Variants in FUT8 observed in about 807,000 individuals in gnomAD.
The protein encoded by FUT8 is fucosyltransferase 8, also known as alpha-(1,6)-fucosyltransferase.
In FUT8, 29 loss-of-function variants were observed where a neutral mutation model predicts 71.3. The ratio of observed to expected loss-of-function variants is 0.41; its 90% CI spans 0.30 to 0.55. FUT8 has a LOEUF of 0.55. Among genes scored for constraint, FUT8 ranks in the 20% least tolerant of loss-of-function variants. FUT8 has a pLI of 0.34. For missense variants in FUT8, 544 were observed against 702.1 expected, an observed-to-expected ratio of 0.77 and a Z score of 2.55; for synonymous variants, 254 against 239.3, an observed-to-expected ratio of 1.06 and a Z score of -0.57.
intron 2 of FUT8, among the ~76,000 whole-genome samples, chr14:65,539,713 T>A (rs1428110131): frequency 6.6e-6 from 1 of 152,212 alleles, no homozygotes; most frequent in African/African-American, 2.4e-5. Context: ...GAGGCCTGAA[T>A]GAATAAAATA....
the FUT8 span, among the ~76,000 whole-genome samples, chr14:65,370,432 T>C: frequency 1.3e-5 from 2 of 151,570 alleles, no homozygotes; most frequent in Non-Finnish European, 1.5e-5. Flanking sequence ...ATGGTCTTGA[T>C]CTCCTGACCT....
chr14:65,360,878 G>A, the FUT8 span, among the ~76,000 whole-genome samples: 1 of 152,294 alleles, frequency 6.6e-6, no homozygotes, highest in African/African-American at 2.4e-5. Context: ...GGGTGACCTT[G>A]GAGAGATTCT....
chr14:65,731,495 G>A (rs1401531594), intron 9 of FUT8, among the ~76,000 whole-genome samples: 5 of 152,234 alleles, frequency 3.3e-5, no homozygotes, highest in African/African-American at 1.2e-4. Flanking sequence ...TGTGCAAAAA[G>A]TTTCATGCTC....
intron 1 of FUT8, among the ~76,000 whole-genome samples, chr14:65,423,263 C>CTT (rs1180861343): frequency 5.0e-5 from 6 of 119,470 alleles, no homozygotes; most frequent in East Asian, 2.4e-4. Flanking sequence ...GATTTTCTTT[C>CTT]TTTTTTTTTT....
chr14:65,654,614 A>C (rs1387820903), intron 6 of FUT8, among the ~76,000 whole-genome samples: 9 of 152,084 alleles, frequency 5.9e-5, no homozygotes, highest in Non-Finnish European at 1.2e-4. Flanking sequence ...GCTCTATAAA[A>C]AGATATTTTA....
chr14:65,726,349 G>A (rs1895686223), intron 9 of FUT8, among the ~76,000 whole-genome samples: 1 of 152,170 alleles, frequency 6.6e-6, no homozygotes, highest in Non-Finnish European at 1.5e-5. Flanking sequence ...TTTTCACACT[G>A]CTGATAGACA....
intron 2 of FUT8, chr14:65,457,975 GA>G (rs2065916821): frequency 6.6e-6 from 1 of 152,048 alleles, no homozygotes; most frequent in Admixed American, 6.5e-5. Flanking sequence ...GAGGTCAGGA[GA>G]TCGAGACCAT....
chr14:65,636,486 A>G (rs997694329), intron 6 of FUT8: 1 of 152,188 alleles, frequency 6.6e-6, no homozygotes, highest in Non-Finnish European at 1.5e-5. Context: ...ATTTAGGGCT[A>G]TGAACTTTCC....
chr14:65,534,553 T>C (rs928986568), intron 2 of FUT8, among the ~76,000 whole-genome samples: 1 of 149,766 alleles, frequency 6.7e-6, no homozygotes, highest in Non-Finnish European at 1.5e-5. Context: ...GTTTTTCTTT[T>C]TTTTTTTTTT....
chr14:65,414,955 G>T (rs1047969010), intron 1 of FUT8, among the ~76,000 whole-genome samples: 5 of 152,054 alleles, frequency 3.3e-5, no homozygotes, highest in African/African-American at 1.2e-4. Context: ...ACCTGAAGTT[G>T]TTTTCCTACA....
intron 2 of FUT8, among the ~76,000 whole-genome samples, chr14:65,505,173 T>A (rs1237206002): frequency 6.6e-6 from 1 of 152,172 alleles, no homozygotes; most frequent in Admixed American, 6.5e-5. Context: ...TTTACATGCG[T>A]AACCACTTGA....
At chr14:65,568,918 A>G (rs1886336257) in intron 3 of FUT8, among the ~76,000 whole-genome samples, 1 of 151,718 alleles carries the variant, frequency 6.6e-6, no homozygotes, top group South Asian at 2.1e-4. Context: ...AATATCCTAT[A>G]GTATTTATAG....
At chr14:65,712,547 C>T (rs1012400157) in intron 7 of FUT8, among the ~76,000 whole-genome samples, 3 of 152,080 alleles carry the variant, frequency 2.0e-5, no homozygotes, top group African/African-American at 7.2e-5. Flanking sequence ...TGGGTTCAAG[C>T]GATTCTCCTG....
chr14:65,637,183 C>T (rs557903892), intron 6 of FUT8, among the ~76,000 whole-genome samples: 136 of 152,236 alleles, frequency 8.9e-4, no homozygotes, highest in African/African-American at 3.0e-3. Flanking sequence ...TAAAACTGCA[C>T]GTTGCTGATA....
At position 65,627,715 on chromosome 14, in the gene FUT8, A is replaced by C. The variant is rs1327477787; in HGVS notation, c.483-1777A>C. Among the ~76,000 whole-genome samples the C allele has an allele frequency of 1.3e-5, 2 of 152,148 alleles. No individual in the cohort carries two copies. Among genetic ancestry groups the C allele is most frequent in the Non-Finnish European group, 2.9e-5 (2 of 68,034 alleles). On this transcript the variant is annotated intron_variant, in intron 5 of 10. Coordinates refer to ENST00000673929, the MANE Select transcript of FUT8 (RefSeq NM_001371533.1). This position sits in a 1 kb window ranked among gnomAD's most constrained non-coding sequence, Gnocchi z 4.0. The stretch of plus-strand genomic sequence containing the variant: ...GGTCATATAACAGTTAAAGTCTGCC[A>C]TTTTGCCTCTTAGTACGCGTTTGAG...
the FUT8 span, among the ~76,000 whole-genome samples, chr14:65,381,068 A>AT: frequency 6.6e-6 from 1 of 152,160 alleles, no homozygotes; most frequent in Non-Finnish European, 1.5e-5. Flanking sequence ...CTAAAGTTAT[A>AT]TTTTTTTACA....
At chr14:65,715,373 T>G (rs1895002719) in intron 7 of FUT8, among the ~76,000 whole-genome samples, 2 of 152,260 alleles carry the variant, frequency 1.3e-5, no homozygotes, top group Admixed American at 1.3e-4. Context: ...ATATGATATG[T>G]CTCATTGATT....
chr14:65,594,242 G>GGCC (rs1400597661), intron 3 of FUT8, among the ~76,000 whole-genome samples: 4 of 152,068 alleles, frequency 2.6e-5, no homozygotes, highest in Non-Finnish European at 5.9e-5. Flanking sequence ...ACTGGCCAGG[G>GGCC]GCCCGGCAGT....
At chr14:65,741,626 A>C (rs1896506346) in intron 10 of FUT8, among the ~76,000 whole-genome samples, 1 of 151,986 alleles carries the variant, frequency 6.6e-6, no homozygotes, top group African/African-American at 2.4e-5. Flanking sequence ...AGAATGTGTG[A>C]TTGATTAACA....
Sources: allele counts gnomAD v4.1 joint callset (sites outside exome capture counted in the v4.1 genomes callset), GRCh38; gene constraint gnomAD v4.1.1; non-coding constraint Gnocchi (gnomAD v3.1); transcripts MANE v1.5; gene names NCBI Gene and HGNC (gene_info 2026-07-23, HGNC 2026-07-21).